Variants in CCDC18 observed in about 807,000 individuals in gnomAD.
CCDC18 encodes coiled-coil domain-containing protein 18.
CCDC18 carries 157 observed loss-of-function variants against 196.0 expected under a neutral mutation model. The observed-to-expected ratio is 0.80, with a 90% CI of 0.70 to 0.91. The LOEUF is 0.91. Ranked by LOEUF, CCDC18 falls within the 40% of genes least tolerant of loss-of-function variation. CCDC18 has a pLI of 0.00. For missense variants in CCDC18, 1,465 were observed against 1,611.6 expected, an observed-to-expected ratio of 0.91 and a Z score of 1.56; for synonymous variants, 482 against 529.2, an observed-to-expected ratio of 0.91 and a Z score of 1.22.
chr1:93,216,858 CTACTAAACTCTTCTGA>C, intron 13 of CCDC18, 112 bp downstream of exon 13: 1 of 543,158 alleles, frequency 1.8e-6, no homozygotes, highest in Non-Finnish European at 3.3e-6. Flanking sequence ...AGTATAAATT[CTACTAAACTCTTCTGA>C]TCATTTCTTG....
At chr1:93,275,871 C>T (rs1164303141) in intron 28 of CCDC18, among the ~76,000 whole-genome samples, 1 of 152,192 alleles carries the variant, frequency 6.6e-6, no homozygotes, top group East Asian at 1.9e-4. Context: ...ATTAAAAAAT[C>T]ATTTTCTTTG....
At chr1:93,241,703 GAC>G (rs1430869448) in intron 21 of CCDC18, among the ~76,000 whole-genome samples, 2 of 111,990 alleles carry the variant, frequency 1.8e-5, no homozygotes, top group Non-Finnish European at 3.3e-5. Flanking sequence ...CAGCCTGAGT[GAC>G]AGAGTGAGAC....
chr1:93,254,941 C>CTTTTTTTTTTTTTTT (rs34139452), intron 24 of CCDC18, among the ~76,000 whole-genome samples: 2 of 44,268 alleles, frequency 4.5e-5, no homozygotes, highest in Non-Finnish European at 7.4e-5. Flanking sequence ...GAGGAGTCAG[C>CTTTTTTTTTTTTTTT]TTTTTTTTTT....
At chr1:93,275,173 C>G (rs566753095) in intron 28 of CCDC18, among the ~76,000 whole-genome samples, 1 of 152,062 alleles carries the variant, frequency 6.6e-6, no homozygotes, top group Non-Finnish European at 1.5e-5. Context: ...TGTAGTGGCA[C>G]GAGAGCTCAC....
chr1:93,222,188 T>C (rs1052226519), intron 16 of CCDC18, among the ~76,000 whole-genome samples: 1 of 152,126 alleles, frequency 6.6e-6, no homozygotes, highest in African/African-American at 2.4e-5. Flanking sequence ...TCTCTGTAAA[T>C]TGTAAACATT....
chr1:93,240,221 C>G (rs979932146), intron 21 of CCDC18, among the ~76,000 whole-genome samples: 1 of 152,188 alleles, frequency 6.6e-6, no homozygotes, highest in Non-Finnish European at 1.5e-5. Context: ...TATGCTAGGA[C>G]TACGCCAGGG....
At chr1:93,265,777 C>T (rs1233314163) in intron 27 of CCDC18, among the ~76,000 whole-genome samples, 2 of 152,172 alleles carry the variant, frequency 1.3e-5, no homozygotes, top group African/African-American at 4.8e-5. Flanking sequence ...AATACAGGAG[C>T]ACCCAGATTC....
At chr1:93,249,713 T>G (rs910142730) in intron 23 of CCDC18, among the ~76,000 whole-genome samples, 3 of 152,204 alleles carry the variant, frequency 2.0e-5, no homozygotes, top group Non-Finnish European at 2.9e-5. Context: ...AAGGTAGAAA[T>G]CCTATCAAAT....
chr1:93,192,649 G>T (rs1030506706), intron 5 of CCDC18, among the ~76,000 whole-genome samples: 25 of 152,158 alleles, frequency 1.6e-4, no homozygotes, highest in African/African-American at 5.5e-4. Context: ...TGTTGGTCAG[G>T]CTGGTCTCAA....
intron 27 of CCDC18, among the ~76,000 whole-genome samples, chr1:93,265,898 C>T (rs1419473627): frequency 1.3e-5 from 2 of 149,388 alleles, no homozygotes; most frequent in Non-Finnish European, 3.0e-5. Context: ...GACAGAAAAT[C>T]AACAAGGATA....
intron 27 of CCDC18, chr1:93,269,770 A>G (rs556888): frequency 0.29 from 43,517 of 151,924 alleles, 9,442 homozygotes; most frequent in African/African-American, 0.61. Context: ...TAGGATCCCA[A>G]AGTTCAGTCA....
chr1:93,266,207 G>A (rs373283218), intron 27 of CCDC18, among the ~76,000 whole-genome samples: 4 of 152,152 alleles, frequency 2.6e-5, no homozygotes, highest in Non-Finnish European at 2.9e-5. Flanking sequence ...GGTACATAAC[G>A]AAATGAAGGC....
At chr1:93,190,459 C>A (rs1285563854) in intron 4 of CCDC18, among the ~76,000 whole-genome samples, 1 of 152,162 alleles carries the variant, frequency 6.6e-6, no homozygotes, top group Non-Finnish European at 1.5e-5. Flanking sequence ...TGCACTCCAG[C>A]CTGGTGACAG....
At chr1:93,234,327 A>G (rs546879320) in intron 18 of CCDC18, among the ~76,000 whole-genome samples, 213 of 151,888 alleles carry the variant, frequency 1.4e-3, no homozygotes, top group Non-Finnish European at 2.4e-3. Context: ...ACATCCAGCT[A>G]ATTTTTGTTT....
chr1:93,239,491 T>C lies in CCDC18; in HGVS notation c.2767+18T>C. ...AAATGCTGGTAAGCAAGTGGTTAGA[T>C]GAGTATAGCTGCCTATGTATTTGTA... On this transcript the variant is annotated intron_variant, in intron 20 of 28. Transcript: ENST00000690025. 6.3e-7 allele frequency: 1 copy of C among 1,588,716 alleles called. No homozygotes were observed. The highest frequency in any genetic ancestry group is 8.5e-7 in the Non-Finnish European group (1 of 1,170,334).
At chr1:93,242,797 G>T (rs1003217979) in intron 21 of CCDC18, among the ~76,000 whole-genome samples, 1 of 152,196 alleles carries the variant, frequency 6.6e-6, no homozygotes, top group Non-Finnish European at 1.5e-5. Flanking sequence ...CCCCATGCAA[G>T]TCTGAAATTC....
chr1:93,275,266 C>G (rs1665564350), intron 28 of CCDC18, among the ~76,000 whole-genome samples: 1 of 152,104 alleles, frequency 6.6e-6, no homozygotes, highest in Non-Finnish European at 1.5e-5. Flanking sequence ...TGTCACCATG[C>G]CTGGCTAATT....
chr1:93,196,563 A>C (rs974754321), intron 6 of CCDC18, among the ~76,000 whole-genome samples: 2 of 152,214 alleles, frequency 1.3e-5, no homozygotes, highest in Non-Finnish European at 2.9e-5. Flanking sequence ...ATACATAAGA[A>C]AAATAACACA....
At position 93,234,936 on chromosome 1, in the gene CCDC18, A is replaced by AGTGTGTGTGTGTGTGT. The variant is rs3223482; in HGVS notation, c.2461-1290_2461-1275dup. ...GTGCATACCACCATGCCCAGCTAAG[A>AGTGTGTGTGTGTGTGT]GTGTGTGTGTGTGTGTGTGTGTGTG... is the stretch of plus-strand genomic sequence containing the variant. On this transcript the variant is annotated intron_variant, in intron 18 of 28. Transcript: ENST00000690025. Among the ~76,000 whole-genome samples the AGTGTGTGTGTGTGTGT allele has an allele frequency of 7.5e-3, 890 of 119,344 alleles. 17 individuals are homozygous for AGTGTGTGTGTGTGTGT. The highest frequency in any genetic ancestry group is 0.024 in the African/African-American group (696 of 29,208). 78.3% of individuals were successfully genotyped at this position (119,344 alleles called of 152,430 possible). A position where few individuals can be genotyped will look rare whatever the true frequency, so the allele number is the denominator to read the frequency against.
Sources: allele counts gnomAD v4.1 joint callset (sites outside exome capture counted in the v4.1 genomes callset), GRCh38; gene constraint gnomAD v4.1.1; transcripts MANE v1.5; gene names NCBI Gene and HGNC (gene_info 2026-07-23, HGNC 2026-07-21).